EXTL3: variants seen among roughly 807,000 people sequenced by gnomAD.
EXTL3 encodes exostosin like glycosyltransferase 3.
A neutral mutation model predicts 69.3 loss-of-function variants in EXTL3; 27 were observed. The observed-to-expected ratio is 0.39, with a 90% confidence interval of 0.29 to 0.54. The LOEUF is 0.54. Among genes scored for constraint, EXTL3 ranks in the 20% least tolerant of loss-of-function variants. The pLI is 0.69. For missense variants in EXTL3, 1,003 were observed against 1,231.8 expected, an observed-to-expected ratio of 0.81 and a Z score of 2.78; for synonymous variants, 511 against 499.4, an observed-to-expected ratio of 1.02 and a Z score of -0.31.
Position 28,737,590 on chromosome 8 carries a change from A to G in EXTL3, c.2348A>G (p.Gln783Arg). The G allele has an allele frequency of 6.2e-7, 1 of 1,614,126 alleles. No individual in the cohort carries two copies. Among genetic ancestry groups the G allele is most frequent in the Non-Finnish European group, 8.5e-7 (1 of 1,179,938 alleles). ...GRYHAWDIPHQSWLYNSNYSC... is the reference protein window; with the variant it reads ...GRYHAWDIPHRSWLYNSNYSC... ...TACCACGCATGGGACATCCCCCATC[A>G]GTCCTGGCTCTACAACTCCAACTAC... is the stretch of plus-strand genomic sequence containing the variant. Residue 783 changes from glutamine to arginine, a missense_variant, in exon 5 of 7, where the codon CAG becomes CGG. Physicochemically the swap from Gln to Arg is conservative, Grantham distance 43 (BLOSUM62 1). This residue lies in a region of EXTL3 where 261 missense variants were observed against 416.4 expected (regional missense o/e 0.63). Coordinates refer to ENST00000220562, the MANE Select transcript of EXTL3 (RefSeq NM_001440.4).
chr8:28,633,867 C>A (rs1806611927), intron 1 of EXTL3, among the ~76,000 whole-genome samples: 1 of 152,160 alleles, frequency 6.6e-6, no homozygotes, highest in African/African-American at 2.4e-5. Context: ...AAAACGTTCG[C>A]TGATCCCTGA....
chr8:28,731,567 C>A (rs1340216294), intron 4 of EXTL3, among the ~76,000 whole-genome samples: 2 of 152,182 alleles, frequency 1.3e-5, no homozygotes, highest in Non-Finnish European at 2.9e-5. Context: ...CAGGCCTTTC[C>A]TCTGTGGCCA....
In EXTL3 at chr8:28,743,137, G is replaced by A; in HGVS notation, c.2473G>A (p.Val825Met). The stretch of plus-strand genomic sequence containing the variant: ...GATGCCCCAGGCCATCCGGGACATG[G>A]TGGATGAATACATCAACTGTGAGGA... ...YVMPQAIRDM[V>M]DEYINCEDIA... Residue 825 changes from valine to methionine, a missense_variant, in exon 6 of 7, where the codon GTG becomes ATG. Val to Met is a conservative substitution (Grantham distance 21). This residue lies in a region of EXTL3 where 261 missense variants were observed against 416.4 expected (regional missense o/e 0.63). Coordinates refer to ENST00000220562, the MANE Select transcript of EXTL3 (RefSeq NM_001440.4). 1 of 1,614,138 alleles carries A rather than the reference G, an allele frequency of 6.2e-7. No homozygotes were observed. The highest frequency in any genetic ancestry group is 8.5e-7 in the Non-Finnish European group (1 of 1,179,942).
At chr8:28,713,903 C>CTTTTTTT (rs55737430) in intron 2 of EXTL3, among the ~76,000 whole-genome samples, 43 of 113,760 alleles carry the variant, frequency 3.8e-4, no homozygotes, top group African/African-American at 6.4e-4. Flanking sequence ...TTCTTTCTTT[C>CTTTTTTT]TTTTTTTTTT....
chr8:28,747,823 G>A (rs1801921921), intron 6 of EXTL3, among the ~76,000 whole-genome samples: 1 of 150,964 alleles, frequency 6.6e-6, no homozygotes, highest in South Asian at 2.1e-4. Flanking sequence ...CTGCCTCCCG[G>A]GTTCAAGTGA....
chr8:28,715,744 T>G lies in EXTL3; in HGVS notation c.-316T>G. On this transcript the variant is annotated 5_prime_UTR_variant, in exon 3 of 7. Transcript: ENST00000220562. ...AAAAGTCTGTCTGATTCCAGGGTGT[T>G]TTTCCTGGGTTTCATCATCAGGTAC... 1 of 377,832 alleles carries G rather than the reference T, an allele frequency of 2.6e-6. No individual in the cohort carries two copies. The highest frequency in any genetic ancestry group is 4.8e-6 in the Non-Finnish European group (1 of 207,456). The allele number at this position is 377,832 out of a possible 1,614,324, so 23.4% of individuals were successfully genotyped here.
At position 28,623,349 on chromosome 8, in the gene EXTL3, C is replaced by G. The variant is rs1806443643; in HGVS notation, c.-53+539C>G. On this transcript the variant is annotated intron_variant, in intron 1 of 6. Coordinates refer to the EXTL3 transcript ENST00000523149. The surrounding 1 kb of genome is among the most constrained non-coding windows in gnomAD (Gnocchi z 4.2). ...AGAGGACACCACAGAATGCGGACCC[C>G]AAAGCCAGCCGTACCTGCGAGCCCC... Among the ~76,000 whole-genome samples, 1 of 152,212 alleles carries G rather than the reference C, an allele frequency of 6.6e-6. No individual in the cohort carries two copies. The highest frequency in any genetic ancestry group is 1.5e-5 in the Non-Finnish European group (1 of 68,036).
At chr8:28,710,216 A>G (rs1015958219) in intron 1 of EXTL3, 6 of 285,748 alleles carry the variant, frequency 2.1e-5, no homozygotes, top group African/African-American at 1.3e-4. Context: ...GTTGCTGACC[A>G]CTGGAAAAAG....
intron 1 of EXTL3, among the ~76,000 whole-genome samples, chr8:28,681,610 G>A (rs905058889): frequency 6.6e-6 from 1 of 152,344 alleles, no homozygotes; most frequent in South Asian, 2.1e-4. Context: ...GAACAAGAGA[G>A]TGCAGATATA....
intron 1 of EXTL3, among the ~76,000 whole-genome samples, chr8:28,650,846 G>C (rs1320414186): frequency 6.6e-6 from 1 of 151,946 alleles, no homozygotes; most frequent in East Asian, 1.9e-4. Context: ...ATATCTCGTA[G>C]GGATAACAAG....
At chr8:28,705,347 A>C (rs976998039) in intron 1 of EXTL3, among the ~76,000 whole-genome samples, 11 of 152,206 alleles carry the variant, frequency 7.2e-5, no homozygotes, top group Non-Finnish European at 1.3e-4. Flanking sequence ...AATCAGAAAT[A>C]TGGTAATGAT....
chr8:28,615,181 GTCAGTGCTCCA>G (rs1177320651), intron 2 of EXTL3, among the ~76,000 whole-genome samples: 1 of 152,134 alleles, frequency 6.6e-6, no homozygotes, highest in Non-Finnish European at 1.5e-5. Context: ...GTCTACCTTT[GTCAGTGCTCCA>G]TGTGTGCTTG....
intron 2 of EXTL3, among the ~76,000 whole-genome samples, chr8:28,614,034 G>T (rs1806301902): frequency 6.6e-6 from 1 of 151,404 alleles, no homozygotes; most frequent in South Asian, 2.1e-4. Flanking sequence ...GAAACGTCAT[G>T]AGCCCAGGCT....
At chr8:28,747,720 TTC>T (rs1301362545) in intron 6 of EXTL3, among the ~76,000 whole-genome samples, 2 of 144,984 alleles carry the variant, frequency 1.4e-5, no homozygotes, top group African/African-American at 2.6e-5. Flanking sequence ...TATGTATTTT[TTC>T]TTTTTCTTTT....
At chr8:28,703,464 C>T (rs1269987414) in intron 1 of EXTL3, among the ~76,000 whole-genome samples, 1 of 152,078 alleles carries the variant, frequency 6.6e-6, no homozygotes, top group Non-Finnish European at 1.5e-5. Context: ...GGAGAGAGGG[C>T]AAGTCCAGAG....
In EXTL3 at chr8:28,716,806, G is replaced by C. The variant is rs1482408470; in HGVS notation, c.747G>C (p.Val249=). 2.5e-6 allele frequency: 4 copies of C among 1,614,150 alleles called. No homozygotes were observed. Among genetic ancestry groups the C allele is most frequent in the Non-Finnish European group, 3.4e-6 (4 of 1,180,052 alleles). The change falls in exon 3 of 7, where the codon GTG becomes GTC. Residue 249 remains valine, a synonymous_variant. Transcript: ENST00000220562. The surrounding 1 kb of genome is among the most constrained non-coding windows in gnomAD (Gnocchi z 7.1). ...TAGTGGGAGAGATGCAGGAGCCGGT[G>C]GTGCTGCGGCCTGCTGAGCTGGAGA... ...VILVGEMQEP[V]VLRPAELEKQ... is the part of the protein sequence containing the mutation.
intron 1 of EXTL3, among the ~76,000 whole-genome samples, chr8:28,632,994 G>T (rs59124724): frequency 6.6e-6 from 1 of 152,036 alleles, no homozygotes; most frequent in Non-Finnish European, 1.5e-5. Flanking sequence ...GTCTGTTTTC[G>T]TAGTCCATGA....
chr8:28,667,382 C>T (rs1366855091), intron 1 of EXTL3, among the ~76,000 whole-genome samples: 1 of 152,198 alleles, frequency 6.6e-6, no homozygotes, highest in Non-Finnish European at 1.5e-5. Context: ...AGGAGCCTGA[C>T]TCAAGTTTGG....
chr8:28,642,981 C>T (rs1463677305), intron 1 of EXTL3, among the ~76,000 whole-genome samples: 1 of 151,140 alleles, frequency 6.6e-6, no homozygotes, highest in Non-Finnish European at 1.5e-5. Flanking sequence ...CGCTGGTTCA[C>T]GCCTGTAATC....
Sources: allele counts gnomAD v4.1 joint callset (sites outside exome capture counted in the v4.1 genomes callset), GRCh38; gene constraint gnomAD v4.1.1; regional missense constraint gnomAD v4.1.1; non-coding constraint Gnocchi (gnomAD v3.1); transcripts MANE v1.5; gene names NCBI Gene and HGNC (gene_info 2026-07-23, HGNC 2026-07-21).